The following POLR3F variants were observed in gnomAD, a reference collection of about 807,000 sequenced individuals.
The protein encoded by POLR3F is DNA-directed RNA polymerase III subunit RPC6.
POLR3F carries 31 observed loss-of-function variants against 43.6 expected under a neutral mutation model. That is an observed-to-expected ratio of 0.71 (90% CI 0.53 to 0.96). POLR3F has a LOEUF of 0.96. POLR3F is among the 40% of genes least tolerant of loss of function. POLR3F has a pLI of 0.00. For synonymous variants in POLR3F, 114 were observed against 132.5 expected (o/e 0.86, Z 0.96); for missense variants, 316 against 391.7 (o/e 0.81, Z 1.63).
At chr20:18,483,245 A>G (rs2059819930) in intron 8 of POLR3F, among the ~76,000 whole-genome samples, 1 of 152,132 alleles carries the variant, frequency 6.6e-6, no homozygotes, top group African/African-American at 2.4e-5. Flanking sequence ...TTGTATTCTT[A>G]GTAGAGACGG....
intron 5 of POLR3F, among the ~76,000 whole-genome samples, chr20:18,477,069 ATCTC>A: frequency 6.8e-6 from 1 of 147,662 alleles, no homozygotes. Flanking sequence ...GCGAAACTCC[ATCTC>A]AAAAAAAGAA....
At position 18,480,246 on chromosome 20, in the gene POLR3F, T is replaced by A. The variant is rs2059802936; in HGVS notation, c.573+65T>A. ...GTAAAAAGTTTTTCACAAAGGATTT[T>A]AATCTATTTATCATATTTTATAGGA... On this transcript the variant is annotated intron_variant, in intron 6 of 8. Transcript: ENST00000377603. 2.1e-6 allele frequency: 3 copies of A among 1,431,540 alleles called. No individual in the cohort carries two copies. The African/African-American group carries it at 4.3e-5, about 21-fold the overall frequency. The allele number at this position is 1,431,540 out of a possible 1,614,324, so 88.7% of individuals were successfully genotyped here.
chr20:18,472,399 G>A (rs2059758325), intron 2 of POLR3F, among the ~76,000 whole-genome samples: 2 of 152,030 alleles, frequency 1.3e-5, no homozygotes, highest in Admixed American at 6.6e-5. Flanking sequence ...AGCCAGGCTG[G>A]TCTCAAACTC....
At chr20:18,469,375 G>C (rs2059735353) in intron 2 of POLR3F, 5 of 238,346 alleles carry the variant, frequency 2.1e-5, no homozygotes, top group African/African-American at 2.2e-5. Context: ...GCTGGGCTAT[G>C]AATCTTGTGC....
chr20:18,483,074 C>T (rs550691861), intron 8 of POLR3F, among the ~76,000 whole-genome samples: 67 of 152,086 alleles, frequency 4.4e-4, no homozygotes, highest in African/African-American at 1.3e-3. Context: ...CCCGCTCCCC[C>T]CTCGCCCCCC....
rs2059811495 is a variant in POLR3F, at chr20:18,481,791, C to T, written c.854C>T (p.Ala285Val). Residue 285 changes from alanine (A) to valine (V), a missense_variant, in exon 8 of 9, where the codon GCA becomes GTA. Ala to Val is a moderately conservative substitution (Grantham distance 64). Coordinates refer to ENST00000377603, the MANE Select transcript of POLR3F (RefSeq NM_006466.4). ...ATCCCTCCCACAGGTTTGGTCCGGG[C>T]ACCCTGTGGACTCTGCCCGGTGAGT... ...PIIPPTGLVRAPCGLCPVFDD... is the reference protein window; with the variant it reads ...PIIPPTGLVRVPCGLCPVFDD... The T allele has an allele frequency of 6.2e-7, 1 of 1,612,712 alleles. No individual in the cohort carries two copies. The highest frequency in any genetic ancestry group is 1.3e-5 in the African/African-American group (1 of 74,862).
At chr20:18,468,243 A>AT (rs1481586190) in intron 1 of POLR3F, among the ~76,000 whole-genome samples, 1 of 151,984 alleles carries the variant, frequency 6.6e-6, no homozygotes, top group Non-Finnish European at 1.5e-5. Flanking sequence ...CGCCCAGCTA[A>AT]TTTTTTATGT....
intron 1 of POLR3F, 190 bp downstream of exon 1, chr20:18,467,758 T>G: frequency 8.0e-7 from 1 of 1,249,922 alleles, no homozygotes; most frequent in South Asian, 1.6e-5. Context: ...AAGTTCAAAA[T>G]GGGTTTGACA....
At chr20:18,471,263 T>G (rs1041239940) in intron 2 of POLR3F, among the ~76,000 whole-genome samples, 25 of 152,334 alleles carry the variant, frequency 1.6e-4, no homozygotes, top group African/African-American at 5.8e-4. Context: ...ACAGGACTCA[T>G]GTTGTTCCCC....
chr20:18,467,590 T>A, intron 1 of POLR3F, 22 bp downstream of exon 1: 9 of 1,614,214 alleles, frequency 5.6e-6, no homozygotes, highest in Non-Finnish European at 7.6e-6. Flanking sequence ...AGGCTCCGGC[T>A]TGGCACTCCA....
intron 5 of POLR3F, among the ~76,000 whole-genome samples, chr20:18,476,615 C>A (rs975339022): frequency 2.6e-5 from 4 of 152,164 alleles, no homozygotes; most frequent in African/African-American, 9.7e-5. Flanking sequence ...TTAATGAATT[C>A]TTGGACTATA....
At chr20:18,472,016 C>T (rs2059755358) in intron 2 of POLR3F, among the ~76,000 whole-genome samples, 1 of 152,100 alleles carries the variant, frequency 6.6e-6, no homozygotes, top group Non-Finnish European at 1.5e-5. Flanking sequence ...GGAATAGCGT[C>T]CCTCTCAACT....
chr20:18,476,760 A>AT (rs1191757084), intron 5 of POLR3F, among the ~76,000 whole-genome samples: 1 of 152,242 alleles, frequency 6.6e-6, no homozygotes, highest in Non-Finnish European at 1.5e-5. Flanking sequence ...TGCAAATCAC[A>AT]TATTTGATAA....
intron 5 of POLR3F, among the ~76,000 whole-genome samples, 181 bp downstream of exon 5, chr20:18,475,368 A>G (rs184653763): frequency 1.3e-5 from 2 of 152,346 alleles, no homozygotes; most frequent in Non-Finnish European, 2.9e-5. Context: ...TGTCTCACTC[A>G]CCCACTCAAA....
At chr20:18,481,983 CTTTTT>C (rs56160449) in intron 8 of POLR3F, among the ~76,000 whole-genome samples, 173 bp downstream of exon 8, 4 of 74,328 alleles carry the variant, frequency 5.4e-5, no homozygotes, top group Non-Finnish European at 2.6e-5. Flanking sequence ...CATTCCTTTA[CTTTTT>C]TTTTTTTTTT....
In POLR3F at chr20:18,469,010, T is replaced by A; in HGVS notation, c.129T>A (p.Pro43=). 1 of 1,599,636 alleles carries A rather than the reference T, an allele frequency of 6.3e-7. No homozygotes were observed. Among genetic ancestry groups the A allele is most frequent in the Non-Finnish European group, 8.6e-7 (1 of 1,166,768 alleles). Residue 43 remains proline, a synonymous_variant, in exon 2 of 9, where the codon CCT becomes CCA. Transcript: ENST00000377603. ...ACCAAGTAATTCAGAATGAAATGCC[T>A]CATATAGAAGCCCAGCAGCGGGCAG... ...ITDQVIQNEM[P]HIEAQQRAVA... is the part of the protein sequence containing the mutation.
rs118138746 is a variant in POLR3F, at chr20:18,479,639, A to G, written c.430-399A>G. ...ATAACAATGAAGTATCTGAATGTAA[A>G]TCAAAGTATAAAATAAATACTCATG... On this transcript the variant is annotated intron_variant, in intron 5 of 8. Coordinates refer to ENST00000377603, the MANE Select transcript of POLR3F (RefSeq NM_006466.4). Among the ~76,000 whole-genome samples, 696 of 152,378 alleles carry G rather than the reference A, an allele frequency of 4.6e-3. 5 individuals carry two copies. Among genetic ancestry groups the G allele is most frequent in the Non-Finnish European group, 5.3e-3 (358 of 68,036 alleles).
intron 8 of POLR3F, 53 bp from the exon 9 acceptor site, chr20:18,483,428 C>T: frequency 1.2e-6 from 1 of 831,788 alleles, no homozygotes; most frequent in Admixed American, 2.6e-5. Context: ...GTGGTTGGGT[C>T]TTAGATATTT....
chr20:18,471,930 C>T (rs1193322785), intron 2 of POLR3F, among the ~76,000 whole-genome samples: 7 of 152,136 alleles, frequency 4.6e-5, no homozygotes, highest in Admixed American at 6.6e-5. Context: ...TGCAGTGAGC[C>T]GAGATTGTGC....
Sources: allele counts gnomAD v4.1 joint callset (sites outside exome capture counted in the v4.1 genomes callset), GRCh38; gene constraint gnomAD v4.1.1; transcripts MANE v1.5; gene names NCBI Gene and HGNC (gene_info 2026-07-23, HGNC 2026-07-21).